UBR3: variants seen among roughly 807,000 people sequenced by gnomAD.
UBR3 encodes the protein E3 ubiquitin-protein ligase UBR3.
In UBR3, 85 loss-of-function variants were observed where a neutral mutation model predicts 243.2. That is an observed-to-expected ratio of 0.35 (90% CI 0.29 to 0.42). The LOEUF (loss-of-function observed/expected upper bound fraction) is 0.42, where lower values mean the gene tolerates loss of function less well. Among genes scored for constraint, UBR3 ranks in the 10% least tolerant of loss-of-function variants. UBR3 has a pLI of 1.00. For missense variants in UBR3, 1,686 were observed against 2,300.8 expected (o/e 0.73, Z 5.47); for synonymous variants, 748 against 799.8 (o/e 0.94, Z 1.09).
Position 169,938,110 on chromosome 2 carries a change from T to C in UBR3, c.2664-4383T>C, listed in dbSNP as rs549960379. ...GGCAGTTTTCATCCGATCCTCCTTATTTTAGCCCCTTGCCTTCCCACCTCC... is the reference window on the plus strand; with the variant it reads ...GGCAGTTTTCATCCGATCCTCCTTACTTTAGCCCCTTGCCTTCCCACCTCC... On this transcript the variant is annotated intron_variant, in intron 19 of 38. Transcript: ENST00000272793. Among the ~76,000 whole-genome samples, 4 of 152,300 alleles carry C rather than the reference T, an allele frequency of 2.6e-5. No individual in the cohort carries two copies. In the East Asian group the frequency reaches 5.8e-4, roughly 22 times the overall value.
chr2:169,906,279 A>G, intron 10 of UBR3, 115 bp downstream of exon 10: 2 of 1,251,244 alleles, frequency 1.6e-6, no homozygotes, highest in Admixed American at 3.5e-5. Flanking sequence ...AATTGAATTC[A>G]GCTTTATGAA....
intron 11 of UBR3, among the ~76,000 whole-genome samples, chr2:169,922,113 C>T (rs1376242209): frequency 6.6e-6 from 1 of 151,842 alleles, no homozygotes; most frequent in Non-Finnish European, 1.5e-5. Context: ...ATGGCAAAAA[C>T]CCTGTCTCTA....
chr2:169,837,672 G>C (rs551314760), intron 1 of UBR3, among the ~76,000 whole-genome samples: 1 of 152,120 alleles, frequency 6.6e-6, no homozygotes, highest in African/African-American at 2.4e-5. Flanking sequence ...ATTACATCTC[G>C]TGAGAACTCA....
At chr2:169,890,581 G>GTATATATATGTATATATATATACGTATA (rs1559064410) in intron 5 of UBR3, among the ~76,000 whole-genome samples, 39 of 96,450 alleles carry the variant, frequency 4.0e-4, no homozygotes, top group Middle Eastern at 4.7e-3. Context: ...ATATATATAT[G>GTATATATATGTATATATATATACGTATA]TATATATATA....
chr2:169,904,823 T>G (rs2084956170), intron 8 of UBR3, among the ~76,000 whole-genome samples: 1 of 152,186 alleles, frequency 6.6e-6, no homozygotes, highest in Non-Finnish European at 1.5e-5. Context: ...TACCTCAGTA[T>G]CATGTCATAT....
chr2:169,887,857 A>G (rs561777946), intron 5 of UBR3, among the ~76,000 whole-genome samples: 2 of 149,276 alleles, frequency 1.3e-5, no homozygotes, highest in African/African-American at 4.9e-5. Context: ...GCTCACTGCA[A>G]CCTCCCCCTC....
intron 1 of UBR3, among the ~76,000 whole-genome samples, chr2:169,854,600 TACAC>T (rs932329270): frequency 2.6e-5 from 4 of 152,162 alleles, no homozygotes; most frequent in Non-Finnish European, 4.4e-5. Flanking sequence ...TAAACTTACA[TACAC>T]AGGAGAGAGT....
At chr2:169,845,492 T>TTCGTCGTCGTCGTCGTCG (rs746655489) in intron 1 of UBR3, among the ~76,000 whole-genome samples, 4 of 123,504 alleles carry the variant, frequency 3.2e-5, no homozygotes, top group Non-Finnish European at 6.3e-5. Flanking sequence ...CCTTTCCCTC[T>TTCGTCGTCGTCGTCGTCG]TCGTCGTCAT....
chr2:170,019,303 T>C (rs961905786), intron 30 of UBR3, among the ~76,000 whole-genome samples: 2 of 152,208 alleles, frequency 1.3e-5, no homozygotes, highest in African/African-American at 4.8e-5. Flanking sequence ...GATTTGCTTT[T>C]CATAGCAAGC....
chr2:169,958,627 G>C, intron 24 of UBR3, 101 bp downstream of exon 24: 1 of 1,004,630 alleles, frequency 1.0e-6, no homozygotes, highest in Non-Finnish European at 1.4e-6. Context: ...ACACACTTTT[G>C]ATTTCTAGTG....
At chr2:169,863,003 T>C (rs2083142113) in intron 1 of UBR3, among the ~76,000 whole-genome samples, 1 of 152,220 alleles carries the variant, frequency 6.6e-6, no homozygotes, top group Non-Finnish European at 1.5e-5. Context: ...GAATGGGATG[T>C]TCTTGCCAAA....
In UBR3 at chr2:169,997,585, C is replaced by T. The variant is rs187273874; in HGVS notation, c.3918+3129C>T. Among the ~76,000 whole-genome samples, 457 of 152,148 alleles carry T rather than the reference C, an allele frequency of 3.0e-3. 3 individuals are homozygous for T. Among genetic ancestry groups the T allele is most frequent in the African/African-American group, 0.01 (425 of 41,520 alleles). On this transcript the variant is annotated intron_variant, in intron 26 of 38. Coordinates refer to ENST00000272793, the MANE Select transcript of UBR3 (RefSeq NM_172070.4). ...TTCCGCTACCCACAGCTCTGTGAGC[C>T]GGCCAGGAGCATGTTACAGCCCTTT...
chr2:169,965,089 T>C (rs1204952830), intron 24 of UBR3: 1 of 383,054 alleles, frequency 2.6e-6, no homozygotes, highest in Non-Finnish European at 5.2e-6. Context: ...TCCAGAGATA[T>C]CTGACCCCAA....
chr2:169,890,536 G>GATATATATATAT (rs1396382870), intron 5 of UBR3, among the ~76,000 whole-genome samples: 6 of 53,634 alleles, frequency 1.1e-4, no homozygotes, highest in African/African-American at 2.5e-4. Context: ...GAGAGAGAGA[G>GATATATATATAT]AGAGATATAT....
chr2:169,870,658 ATTAT>A (rs2083404868), intron 1 of UBR3, among the ~76,000 whole-genome samples: 1 of 151,412 alleles, frequency 6.6e-6, no homozygotes, highest in South Asian at 2.1e-4. Flanking sequence ...TATTATTATT[ATTAT>A]TTTTTTTTTG....
At chr2:169,862,576 C>T (rs980965824) in intron 1 of UBR3, among the ~76,000 whole-genome samples, 1 of 152,188 alleles carries the variant, frequency 6.6e-6, no homozygotes, top group Non-Finnish European at 1.5e-5. Context: ...GATAAAGCTA[C>T]TTCACTTTTA....
chr2:169,978,344 G>C (rs13017065), intron 24 of UBR3, among the ~76,000 whole-genome samples: 1 of 151,790 alleles, frequency 6.6e-6, no homozygotes, highest in African/African-American at 2.4e-5. Context: ...GGGTCTTGGC[G>C]TGACATTTTG....
chr2:169,989,811 T>TCATTATGAACTGTTTTTAATCATTATG (rs1286212722), intron 25 of UBR3, among the ~76,000 whole-genome samples: 1 of 152,190 alleles, frequency 6.6e-6, no homozygotes, highest in Non-Finnish European at 1.5e-5. Flanking sequence ...ACTCTATTAA[T>TCATTATGAACTGTTTTTAATCATTATG]AACTCTATAG....
At position 169,949,072 on chromosome 2, in the gene UBR3, T is replaced by C. The variant is rs577444719; in HGVS notation, c.3085-533T>C. On this transcript the variant is annotated intron_variant, in intron 22 of 38. Coordinates refer to ENST00000272793, the MANE Select transcript of UBR3 (RefSeq NM_172070.4). ...GAAAGTTTGATTTTTCATCCTTATA[T>C]TTCAATTTAGTAACTTTAAGCATTT... Among the ~76,000 whole-genome samples, 6 of 152,158 alleles carry C rather than the reference T, an allele frequency of 3.9e-5. 1 individual carries two copies. Among genetic ancestry groups the C allele is most frequent in the African/African-American group, 1.4e-4 (6 of 41,588 alleles).
Sources: gnomAD v4.1 joint callset for allele counts (sites outside exome capture counted in the v4.1 genomes callset) on GRCh38, gnomAD v4.1.1 for gene constraint, MANE v1.5 for transcripts, NCBI Gene and HGNC (gene_info 2026-07-23, HGNC 2026-07-21) for gene names.